Variants in ZBTB7C observed in about 807,000 individuals in gnomAD.
ZBTB7C encodes the protein zinc finger and BTB domain containing 7C.
In ZBTB7C, 8 loss-of-function variants were observed where a neutral mutation model predicts 25.7. The observed-to-expected ratio is 0.31, with a 90% CI of 0.18 to 0.56. The LOEUF (loss-of-function observed/expected upper bound fraction) is 0.56, where lower values mean the gene tolerates loss of function less well. Ranked by LOEUF, ZBTB7C falls within the 20% of genes least tolerant of loss-of-function variation. The probability of loss-of-function intolerance (pLI) is 0.91; values close to 1 mark genes in which losing one functional copy is unlikely to be tolerated. For synonymous variants in ZBTB7C, 394 were observed against 369.0 expected, an observed-to-expected ratio of 1.07 and a Z score of -0.78; for missense variants, 824 against 855.2, an observed-to-expected ratio of 0.96 and a Z score of 0.46.
At chr18:48,104,975 G>A (rs2038978429) in intron 3 of ZBTB7C, among the ~76,000 whole-genome samples, 1 of 152,188 alleles carries the variant, frequency 6.6e-6, no homozygotes, top group Non-Finnish European at 1.5e-5. Context: ...CTCTGCTACA[G>A]GCAAACTCCC....
At chr18:48,298,653 G>A (rs1252288040) in intron 2 of ZBTB7C, among the ~76,000 whole-genome samples, 3 of 152,226 alleles carry the variant, frequency 2.0e-5, no homozygotes, top group Non-Finnish European at 4.4e-5. Context: ...AGGCAACTGA[G>A]ACAGGAGCCC....
intron 1 of ZBTB7C, among the ~76,000 whole-genome samples, chr18:48,382,461 T>C (rs896296823): frequency 2.6e-5 from 4 of 152,226 alleles, no homozygotes; most frequent in African/African-American, 9.6e-5. Context: ...CTCTTTAATG[T>C]AAAACAAAGA....
At chr18:48,130,303 C>A (rs1490395479) in intron 3 of ZBTB7C, among the ~76,000 whole-genome samples, 1 of 152,040 alleles carries the variant, frequency 6.6e-6, no homozygotes, top group Non-Finnish European at 1.5e-5. Flanking sequence ...ACATTCTGGG[C>A]CGCTATTAGA....
At chr18:48,328,376 G>A (rs1263542504) in intron 2 of ZBTB7C, among the ~76,000 whole-genome samples, 2 of 152,138 alleles carry the variant, frequency 1.3e-5, no homozygotes, top group African/African-American at 4.8e-5. Context: ...ATGATCTGTG[G>A]TGATGAGGGG....
In ZBTB7C at chr18:48,040,977, T is replaced by G; in HGVS notation, c.131A>C (p.Glu44Ala). The change falls in exon 4 of 5, where the codon GAG (glutamate) becomes GCG (alanine). Residue 44 changes from glutamate (E) to alanine (A), a missense_variant. Physicochemically the swap from Glu to Ala is moderately radical, Grantham distance 107. This residue lies in a region of ZBTB7C where 117 missense variants were observed against 167.7 expected (regional missense o/e 0.70). Transcript: ENST00000590800. ...CAGGACGGAGCGGTGGGTCCGATAC[T>G]CCTGCTCCTGCACCACCAGGAGCAC... ...CDVLLVVQEQEYRTHRSVLAA... is the reference protein window; with the variant it reads ...CDVLLVVQEQAYRTHRSVLAA... 6.2e-7 allele frequency: 1 copy of G among 1,614,122 alleles called. No homozygotes were observed. Among genetic ancestry groups the G allele is most frequent in the Non-Finnish European group, 8.5e-7 (1 of 1,180,018 alleles).
intron 2 of ZBTB7C, among the ~76,000 whole-genome samples, chr18:48,268,190 G>A (rs111527222): frequency 0.013 from 1,960 of 152,240 alleles, 30 homozygotes; most frequent in African/African-American, 0.041. Context: ...CCAACGGCAC[G>A]CTTTTCATAA....
chr18:48,239,202 T>G (rs2043459073), intron 2 of ZBTB7C, among the ~76,000 whole-genome samples: 2 of 152,126 alleles, frequency 1.3e-5, no homozygotes, highest in Admixed American at 6.5e-5. Flanking sequence ...AAACACCTAA[T>G]TCCTCCTCCA....
chr18:48,136,411 C>A (rs1193737329), intron 3 of ZBTB7C, among the ~76,000 whole-genome samples: 3 of 152,204 alleles, frequency 2.0e-5, no homozygotes, highest in Non-Finnish European at 4.4e-5. Flanking sequence ...CCTGACAGGG[C>A]TCCCGCCGCG....
At chr18:48,376,362 G>A (rs542328175) in intron 1 of ZBTB7C, among the ~76,000 whole-genome samples, 6 of 152,216 alleles carry the variant, frequency 3.9e-5, no homozygotes, top group African/African-American at 9.6e-5. Flanking sequence ...CTCCAGCCAC[G>A]CTGTGTAGAT....
In ZBTB7C at chr18:48,083,197, G is replaced by T. The variant is rs541750624; in HGVS notation, c.-16-42074C>A. Among the ~76,000 whole-genome samples the T allele has an allele frequency of 8.6e-5, 13 of 151,880 alleles. No individual in the cohort carries two copies. The East Asian group carries it at 2.5e-3, about 29-fold the overall frequency. ...TCTTTTCTTTTTTTAATTTTAAAAA[G>T]CTAGCGCTATGACCTACTAGATTGA... is the stretch of plus-strand genomic sequence containing the variant. On this transcript the variant is annotated intron_variant, in intron 3 of 4. Coordinates refer to ENST00000590800, the MANE Select transcript of ZBTB7C (RefSeq NM_001318841.2).
At chr18:48,192,183 T>C (rs370212921) in intron 2 of ZBTB7C, among the ~76,000 whole-genome samples, 22 of 152,196 alleles carry the variant, frequency 1.4e-4, no homozygotes, top group East Asian at 7.7e-4. Flanking sequence ...CTAAAAAACA[T>C]GAAAGCAGGT....
intron 3 of ZBTB7C, among the ~76,000 whole-genome samples, chr18:48,063,866 T>C (rs1274963248): frequency 3.9e-5 from 6 of 151,948 alleles, no homozygotes; most frequent in Non-Finnish European, 5.9e-5. Flanking sequence ...ACTTCCATGA[T>C]ATCTTTGCAT....
Position 48,029,755 on chromosome 18 carries a change from CT to C in ZBTB7C, c.1364del (p.Lys455ArgfsTer52). ...VRPYQCEFCY[K>X]SFTRSDHLHR... is the part of the protein sequence containing the mutation. ...GCAGGTGGTCAGAGCGCGTGAAGCT[CT>C]TGTAGCAGAACTCGCACTGGTAGGG... On this transcript the variant is annotated frameshift_variant, in exon 5 of 5. Transcript: ENST00000590800. LOFTEE classifies it low-confidence loss of function (END_TRUNC). 2 of 1,608,400 alleles carry C rather than the reference CT, an allele frequency of 1.2e-6. No individual in the cohort carries two copies. The highest frequency in any genetic ancestry group is 1.7e-6 in the Non-Finnish European group (2 of 1,180,000).
intron 3 of ZBTB7C, among the ~76,000 whole-genome samples, chr18:48,126,800 GAGGA>G (rs1349030774): frequency 5.9e-5 from 9 of 152,094 alleles, no homozygotes; most frequent in Non-Finnish European, 1.0e-4. Context: ...CATTTGTGTG[GAGGA>G]TCTAAAGTCT....
At position 48,029,500 on chromosome 18, in the gene ZBTB7C, GC is replaced by G; in HGVS notation, c.1619del (p.Gly540AlafsTer3). The G allele has an allele frequency of 6.3e-7, 1 of 1,590,720 alleles. No individual in the cohort carries two copies. On this transcript the variant is annotated frameshift_variant, in exon 5 of 5. Transcript: ENST00000590800. LOFTEE classifies it high-confidence loss of function. ...PAKHFLAAPK[G>X]ALSLQELERQ... is the part of the protein sequence containing the mutation. ...GCTCCAGCTCTTGCAGGCTCAGGGC[GC>G]CCTTGGGCGCTGCCAGGAAGTGCTT...
At chr18:48,072,080 TCTTA>T (rs1288290078) in intron 3 of ZBTB7C, among the ~76,000 whole-genome samples, 1 of 152,248 alleles carries the variant, frequency 6.6e-6, no homozygotes, top group Non-Finnish European at 1.5e-5. Flanking sequence ...AAATGATGAA[TCTTA>T]CTTTACGTAT....
At chr18:48,140,354 G>A (rs1034968350) in intron 3 of ZBTB7C, among the ~76,000 whole-genome samples, 1 of 152,228 alleles carries the variant, frequency 6.6e-6, no homozygotes, top group Non-Finnish European at 1.5e-5. Context: ...CTCACTCTAT[G>A]CAACCACGCT....
At chr18:48,167,202 C>T (rs1317137048) in intron 3 of ZBTB7C, among the ~76,000 whole-genome samples, 2 of 152,186 alleles carry the variant, frequency 1.3e-5, no homozygotes, top group Admixed American at 6.5e-5. Context: ...AAGCTTTCCA[C>T]GGACAAGTGA....
chr18:48,362,563 C>A (rs998577405), intron 1 of ZBTB7C, among the ~76,000 whole-genome samples: 1 of 152,198 alleles, frequency 6.6e-6, no homozygotes, highest in African/African-American at 2.4e-5. Flanking sequence ...GACTTCCCAG[C>A]CTGCAGAGCC....
Sources: gnomAD v4.1 joint callset for allele counts (sites outside exome capture counted in the v4.1 genomes callset) on GRCh38, gnomAD v4.1.1 for gene constraint, gnomAD v4.1.1 regional missense constraint, MANE v1.5 for transcripts, NCBI Gene and HGNC (gene_info 2026-07-23, HGNC 2026-07-21) for gene names.